DHRS4L2: variants seen among roughly 807,000 people sequenced by gnomAD.
The protein encoded by DHRS4L2 is dehydrogenase/reductase 4 like 2.
A neutral mutation model predicts 23.9 loss-of-function variants in DHRS4L2; 22 were observed. The ratio of observed to expected loss-of-function variants is 0.92; its 90% CI spans 0.66 to 1.31. The LOEUF is 1.31. Ranked by LOEUF, DHRS4L2 falls within the 40% of genes most tolerant of loss-of-function variation. The probability of loss-of-function intolerance (pLI) is 0.00; values close to 1 mark genes in which losing one functional copy is unlikely to be tolerated. For missense variants in DHRS4L2, 385 were observed against 303.3 expected (o/e 1.27, Z -2.00); for synonymous variants, 141 against 123.7 (o/e 1.14, Z -0.93).
chr14:24,001,573 T>C, intron 6 of DHRS4L2, 56 bp downstream of exon 6: 2 of 1,583,262 alleles, frequency 1.3e-6, no homozygotes, highest in South Asian at 1.1e-5. Flanking sequence ...ATCCATCTTC[T>C]TGGACAGGGA....
At chr14:23,989,509 A>C (rs2034221422) in intron 1 of DHRS4L2, among the ~76,000 whole-genome samples, 1 of 151,610 alleles carries the variant, frequency 6.6e-6, no homozygotes, top group African/African-American at 2.4e-5. Context: ...TAGATGGGAC[A>C]CCAGAGCCAT....
At chr14:23,994,009 G>A (rs2034324933) in intron 2 of DHRS4L2, among the ~76,000 whole-genome samples, 1 of 151,646 alleles carries the variant, frequency 6.6e-6, no homozygotes, top group South Asian at 2.1e-4. Context: ...TTCTTAGCTA[G>A]CCCCAGTGTG....
At chr14:23,984,862 A>G (rs2034113007), upstream of DHRS4L2, among the ~76,000 whole-genome samples, 1 of 151,266 alleles carries the variant, frequency 6.6e-6, no homozygotes, top group South Asian at 2.1e-4. Flanking sequence ...GGACTGAACA[A>G]AAGAAGATTA....
intron 1 of DHRS4L2, among the ~76,000 whole-genome samples, chr14:23,974,495 C>A (rs2033928862): frequency 6.7e-6 from 1 of 150,160 alleles, no homozygotes; most frequent in African/African-American, 2.4e-5. Context: ...ACAAAATGGA[C>A]TGCTAGCAAG....
upstream of DHRS4L2, among the ~76,000 whole-genome samples, chr14:23,987,661 AAC>A (rs369621039): frequency 3.4e-5 from 5 of 146,010 alleles, no homozygotes; most frequent in East Asian, 3.9e-4. Flanking sequence ...ACAAAACACT[AAC>A]ACACACACAC....
At chr14:24,004,139 G>A (rs1254391848) in intron 6 of DHRS4L2, among the ~76,000 whole-genome samples, 198 bp from the exon 7 acceptor site, 12 of 146,688 alleles carry the variant, frequency 8.2e-5, no homozygotes, top group East Asian at 8.2e-4. Context: ...GCGCAGTGGC[G>A]GGCGCCTGTA....
chr14:23,984,271 T>G (rs1566490344), upstream of DHRS4L2, among the ~76,000 whole-genome samples: 1 of 151,740 alleles, frequency 6.6e-6, no homozygotes, highest in African/African-American at 2.4e-5. Flanking sequence ...ACTTTTCACA[T>G]AACTTTCTTT....
intron 2 of DHRS4L2, among the ~76,000 whole-genome samples, chr14:23,991,596 ACT>A (rs772479152): frequency 6.6e-6 from 1 of 151,694 alleles, no homozygotes; most frequent in Non-Finnish European, 1.5e-5. Context: ...GTTCCAGATA[ACT>A]CTGCAAAATG....
chr14:23,992,412 T>C (rs1166945682), intron 2 of DHRS4L2, among the ~76,000 whole-genome samples: 3 of 151,600 alleles, frequency 2.0e-5, no homozygotes, highest in Non-Finnish European at 4.4e-5. Flanking sequence ...AATGATAGAA[T>C]ACTTGTCAGC....
rs61732730 is a variant in DHRS4L2 at position 23,990,198 on chromosome 14, G to A, written c.145G>A (p.Ala49Thr). The change falls in exon 2 of 8, where the codon GCC (alanine) becomes ACC (threonine). Residue 49 changes from alanine to threonine, a missense_variant. Transcript: ENST00000335125. Reference sequence around the variant, plus strand: ...TGCTCACAGGATCGGCTTCGCCATCGCCCGGCGTTTGGCCCAGGACAGGGC... The same window carrying A: ...TGCTCACAGGATCGGCTTCGCCATCACCCGGCGTTTGGCCCAGGACAGGGC... ...ASTDGIGFAI[A>T]RRLAQDRAHV... 32,914 of 1,612,678 alleles carry A rather than the reference G, an allele frequency of 0.02. 1,049 individuals are homozygous for A. The highest frequency in any genetic ancestry group is 0.068 in the African/African-American group (5,104 of 74,932).
chr14:23,973,835 A>G (rs1357763419), intron 1 of DHRS4L2, among the ~76,000 whole-genome samples: 1 of 150,986 alleles, frequency 6.6e-6, no homozygotes, highest in East Asian at 1.9e-4. Flanking sequence ...AATATTAGAC[A>G]GAAAACATGA....
At chr14:23,971,692 G>C (rs948925161) in intron 1 of DHRS4L2, among the ~76,000 whole-genome samples, 1 of 152,016 alleles carries the variant, frequency 6.6e-6, no homozygotes, top group Non-Finnish European at 1.5e-5. Context: ...TGAAAGAAAA[G>C]ATTTTTGAAA....
At chr14:24,004,612 T>G in intron 7 of DHRS4L2, 1 of 785,204 alleles carries the variant, frequency 1.3e-6, no homozygotes, top group South Asian at 1.5e-5. Context: ...GTTTCAGCAG[T>G]GCAGAGGTCT....
At chr14:23,972,898 A>C (rs2033890555) in intron 1 of DHRS4L2, among the ~76,000 whole-genome samples, 1 of 152,018 alleles carries the variant, frequency 6.6e-6, no homozygotes, top group African/African-American at 2.4e-5. Context: ...ACGTGCACGT[A>C]AGCCAGATTT....
chr14:23,999,497 T>A (rs907799288), intron 3 of DHRS4L2, among the ~76,000 whole-genome samples: 2 of 149,978 alleles, frequency 1.3e-5, no homozygotes, highest in Admixed American at 1.3e-4. Flanking sequence ...AACTCTGGAC[T>A]TTAAAAAACA....
upstream of DHRS4L2, among the ~76,000 whole-genome samples, chr14:23,987,727 C>G (rs1159287458): frequency 6.6e-6 from 1 of 151,754 alleles, no homozygotes; most frequent in Non-Finnish European, 1.5e-5. Context: ...ATAAGCTTAG[C>G]TTTATGAAAC....
At chr14:23,999,954 C>T (rs896184437) in intron 3 of DHRS4L2, among the ~76,000 whole-genome samples, 18 of 134,238 alleles carry the variant, frequency 1.3e-4, no homozygotes, top group Non-Finnish European at 2.1e-4. Flanking sequence ...CTTGGCCTCC[C>T]GAAGTGCAGG....
chr14:23,985,746 C>T (rs2034128385), upstream of DHRS4L2, among the ~76,000 whole-genome samples: 1 of 151,408 alleles, frequency 6.6e-6, no homozygotes, highest in Non-Finnish European at 1.5e-5. Context: ...GGAGTCGCTC[C>T]TTCTGTTGCC....
chr14:24,001,197 C>A, intron 5 of DHRS4L2, 113 bp downstream of exon 5: 1 of 1,596,798 alleles, frequency 6.3e-7, no homozygotes, highest in Non-Finnish European at 8.5e-7. Flanking sequence ...CACCAAGTCC[C>A]TGCCCACAAA....
Sources: gnomAD v4.1 joint callset for allele counts (sites outside exome capture counted in the v4.1 genomes callset) on GRCh38, gnomAD v4.1.1 for gene constraint, MANE v1.5 for transcripts, NCBI Gene and HGNC (gene_info 2026-07-23, HGNC 2026-07-21) for gene names.